The following KATNA1 variants were observed in gnomAD, a reference collection of about 807,000 sequenced individuals.
KATNA1 encodes katanin catalytic subunit A1.
Under a neutral mutation model 62.6 loss-of-function variants are expected in KATNA1, and 42 were observed. The observed-to-expected ratio is 0.67, with a 90% confidence interval of 0.52 to 0.87. The LOEUF is 0.87. Among genes scored for constraint, KATNA1 ranks in the 40% least tolerant of loss-of-function variants. KATNA1 has a pLI of 0.00. For synonymous variants in KATNA1, 186 were observed against 201.9 expected, an observed-to-expected ratio of 0.92 and a Z score of 0.67; for missense variants, 498 against 612.5, an observed-to-expected ratio of 0.81 and a Z score of 1.97.
intron 3 of KATNA1, among the ~76,000 whole-genome samples, chr6:149,629,288 T>C (rs971817126): frequency 2.0e-5 from 3 of 152,058 alleles, no homozygotes; most frequent in Non-Finnish European, 4.4e-5. Flanking sequence ...GTGCGCAATA[T>C]GAATATTAGG....
intron 4 of KATNA1, among the ~76,000 whole-genome samples, chr6:149,609,655 T>C (rs1378229165): frequency 2.0e-5 from 3 of 151,410 alleles, no homozygotes; most frequent in Non-Finnish European, 4.4e-5. Flanking sequence ...ATACAAAAAT[T>C]AGCTGGGCAT....
chr6:149,619,312 T>C (rs1333932021), intron 4 of KATNA1, among the ~76,000 whole-genome samples: 4 of 152,054 alleles, frequency 2.6e-5, no homozygotes, highest in African/African-American at 9.7e-5. Flanking sequence ...AGGATGGGTG[T>C]AAGCAAAAAG....
chr6:149,623,494 T>C (rs570671987), intron 3 of KATNA1, among the ~76,000 whole-genome samples: 1 of 152,258 alleles, frequency 6.6e-6, no homozygotes, highest in African/African-American at 2.4e-5. Flanking sequence ...CCTAGCATTT[T>C]GGGAGGCCAA....
At chr6:149,627,037 A>T (rs1582792524) in intron 3 of KATNA1, among the ~76,000 whole-genome samples, 1 of 151,826 alleles carries the variant, frequency 6.6e-6, no homozygotes, top group South Asian at 2.1e-4. Context: ...AGACTTACAT[A>T]CGTGTGTGTG....
chr6:149,595,328 T>A (rs1475055324), intron 10 of KATNA1, 94 bp from the exon 11 acceptor site: 2 of 820,558 alleles, frequency 2.4e-6, no homozygotes. Context: ...TGATCTGTTG[T>A]AGCATTCTCT....
rs148382966 is a variant in KATNA1 at position 149,621,419 on chromosome 6, C to T, written c.501+1684G>A. On this transcript the variant is annotated intron_variant, in intron 4 of 10. Transcript: ENST00000367411. Reference sequence around the variant, plus strand: ...GATTACAGGCGTGAGCCACCGCGCCCGGCCCTGTGCCTTCTTATATGATAC... The same window carrying T: ...GATTACAGGCGTGAGCCACCGCGCCTGGCCCTGTGCCTTCTTATATGATAC... Among the ~76,000 whole-genome samples the T allele has an allele frequency of 1.8e-3, 271 of 151,882 alleles. 1 individual carries two copies. The highest frequency in any genetic ancestry group is 6.1e-3 in the African/African-American group (253 of 41,426).
At chr6:149,602,950 A>AC (rs1025493871) in intron 6 of KATNA1, among the ~76,000 whole-genome samples, 7 of 151,600 alleles carry the variant, frequency 4.6e-5, no homozygotes, top group African/African-American at 1.7e-4. Context: ...CGAACTCCTG[A>AC]CCTCAGGTGA....
At chr6:149,639,378 A>C (rs1276498732) in intron 1 of KATNA1, among the ~76,000 whole-genome samples, 2 of 151,870 alleles carry the variant, frequency 1.3e-5, no homozygotes, top group Admixed American at 6.6e-5. Context: ...AGGTGGGTGG[A>C]TCACGAGGTC....
chr6:149,640,690 G>A (rs1287118175), intron 1 of KATNA1, among the ~76,000 whole-genome samples: 1 of 151,710 alleles, frequency 6.6e-6, no homozygotes, highest in Non-Finnish European at 1.5e-5. Flanking sequence ...TGGGACTACA[G>A]CCATGCATCC....
intron 1 of KATNA1, 177 bp from the exon 2 acceptor site, chr6:149,638,737 T>TG (rs1780166335): frequency 2.4e-6 from 1 of 425,222 alleles, no homozygotes; most frequent in East Asian, 3.7e-5. Context: ...ATTGTTTTTT[T>TG]TTTTTTTTTT....
chr6:149,641,483 G>A (rs1246826162), intron 1 of KATNA1, among the ~76,000 whole-genome samples: 2 of 151,906 alleles, frequency 1.3e-5, no homozygotes, highest in Non-Finnish European at 2.9e-5. Flanking sequence ...GCCTGCCTTG[G>A]GGTTTTTTTT....
intron 4 of KATNA1, among the ~76,000 whole-genome samples, chr6:149,618,039 CAG>C: frequency 6.7e-6 from 1 of 148,318 alleles, no homozygotes; most frequent in South Asian, 2.1e-4. Flanking sequence ...CCTGTAGTCC[CAG>C]CTACTCGGCA....
At chr6:149,648,897 C>G (rs1357582251), upstream of KATNA1, 1 of 152,396 alleles carries the variant, frequency 6.6e-6, no homozygotes, top group Non-Finnish European at 1.5e-5. Flanking sequence ...TCGCGCGCCT[C>G]TGTACCTTGT....
intron 3 of KATNA1, among the ~76,000 whole-genome samples, chr6:149,631,241 T>C (rs1328576421): frequency 6.6e-6 from 1 of 151,854 alleles, no homozygotes; most frequent in Non-Finnish European, 1.5e-5. Context: ...CTACTAAAAA[T>C]ACAAAAAATT....
chr6:149,619,621 A>T (rs1779316451), intron 4 of KATNA1, among the ~76,000 whole-genome samples: 1 of 152,136 alleles, frequency 6.6e-6, no homozygotes, highest in African/African-American at 2.4e-5. Flanking sequence ...CACAAAAAAA[A>T]AAAAGACAAA....
intron 2 of KATNA1, among the ~76,000 whole-genome samples, chr6:149,633,904 C>T (rs538763513): frequency 4.6e-5 from 7 of 151,860 alleles, no homozygotes; most frequent in Non-Finnish European, 1.0e-4. Flanking sequence ...TGCGGCAAGC[C>T]GGAGATCACA....
chr6:149,597,734 C>A, intron 8 of KATNA1, 93 bp from the exon 9 acceptor site: 2 of 1,203,638 alleles, frequency 1.7e-6, no homozygotes, highest in Non-Finnish European at 1.2e-6. Context: ...CTATTTAGTA[C>A]AACAATACAA....
At chr6:149,648,872 T>A (rs1436929000), upstream of KATNA1, 1 of 151,500 alleles carries the variant, frequency 6.6e-6, no homozygotes, top group Non-Finnish European at 1.5e-5. Flanking sequence ...GTGTAGATGG[T>A]ATTATGGTAC....
chr6:149,644,588 T>G (rs892362047), intron 1 of KATNA1, among the ~76,000 whole-genome samples: 1 of 151,948 alleles, frequency 6.6e-6, no homozygotes. Flanking sequence ...ACCACTGCAC[T>G]CTAGCCTGGG....
Sources: gnomAD v4.1 joint callset for allele counts (sites outside exome capture counted in the v4.1 genomes callset) on GRCh38, gnomAD v4.1.1 for gene constraint, MANE v1.5 for transcripts, NCBI Gene and HGNC (gene_info 2026-07-23, HGNC 2026-07-21) for gene names.